ATP8B4: variants seen among roughly 807,000 people sequenced by gnomAD.
ATP8B4 encodes the protein probable phospholipid-transporting ATPase IM.
In ATP8B4, 133 loss-of-function variants were observed where a neutral mutation model predicts 145.6. That is an observed-to-expected ratio of 0.91 (90% CI 0.79 to 1.05). The LOEUF (loss-of-function observed/expected upper bound fraction) is 1.05, where lower values mean the gene tolerates loss of function less well. ATP8B4 is among the 50% of genes least tolerant of loss of function. ATP8B4 has a pLI of 0.00. For synonymous variants in ATP8B4, 507 were observed against 492.9 expected (o/e 1.03, Z -0.38); for missense variants, 1,458 against 1,425.2 (o/e 1.02, Z -0.37).
intron 5 of ATP8B4, among the ~76,000 whole-genome samples, chr15:50,040,003 C>G (rs188696998): frequency 6.6e-6 from 1 of 152,288 alleles, no homozygotes; most frequent in East Asian, 1.9e-4. Context: ...AAAACTTCTT[C>G]CTACGAGTAG....
At chr15:50,048,032 T>C (rs1433866479) in intron 3 of ATP8B4, among the ~76,000 whole-genome samples, 1 of 152,092 alleles carries the variant, frequency 6.6e-6, no homozygotes, top group Admixed American at 6.5e-5. Context: ...AATAACTATT[T>C]TTTTCTACTT....
chr15:49,904,439 G>A (rs529974412), intron 20 of ATP8B4, among the ~76,000 whole-genome samples: 1 of 152,192 alleles, frequency 6.6e-6, no homozygotes, highest in Admixed American at 6.5e-5. Flanking sequence ...GAAAACTTGG[G>A]CTGCTGCACC....
chr15:50,065,858 T>TGGGAAC (rs2053346661), intron 3 of ATP8B4, among the ~76,000 whole-genome samples: 1 of 152,074 alleles, frequency 6.6e-6, no homozygotes, highest in Non-Finnish European at 1.5e-5. Flanking sequence ...GCAGATGGAA[T>TGGGAAC]GGGAACTAGT....
Position 49,901,188 on chromosome 15 carries a change from A to G in ATP8B4, c.2193T>C (p.His731=). 1 of 1,613,260 alleles carries G rather than the reference A, an allele frequency of 6.2e-7. No homozygotes were observed. ...FGQNRNFSNG[H]VVCEKKQQLE... ...GCTGCTGCTTTTTTTCACAAACTAC[A>G]TGGCCATTGGAAAAATTTCTGTTTT... Residue 731 remains histidine (H), a synonymous_variant, in exon 21 of 28, where the codon CAT becomes CAC. Transcript: ENST00000284509.
At chr15:49,868,870 A>G (rs2033233936) in intron 25 of ATP8B4, among the ~76,000 whole-genome samples, 1 of 152,244 alleles carries the variant, frequency 6.6e-6, no homozygotes, top group Admixed American at 6.5e-5. Context: ...AGAAATCACT[A>G]GTAAAATAAG....
chr15:49,973,499 T>C (rs559356894), intron 12 of ATP8B4, among the ~76,000 whole-genome samples: 13 of 152,310 alleles, frequency 8.5e-5, no homozygotes, highest in African/African-American at 2.9e-4. Flanking sequence ...CCAAAAGAGA[T>C]AGAAAACAGT....
At chr15:49,962,097 CTTA>C (rs2044133521) in intron 13 of ATP8B4, 77 bp from the exon 14 acceptor site, 9 of 1,119,018 alleles carry the variant, frequency 8.0e-6, no homozygotes, top group Non-Finnish European at 1.2e-5. Flanking sequence ...AAGGAATACA[CTTA>C]TTATTTATTA....
At chr15:49,981,318 T>A in intron 10 of ATP8B4, 24 bp from the exon 11 acceptor site, 1 of 1,523,430 alleles carries the variant, frequency 6.6e-7, no homozygotes. Flanking sequence ...AAAAAGTAAA[T>A]AACTTTGAAA....
At chr15:49,860,566 T>C in intron 27 of ATP8B4, 91 bp from the exon 28 acceptor site, 1 of 1,404,432 alleles carries the variant, frequency 7.1e-7, no homozygotes, top group African/African-American at 1.4e-5. Flanking sequence ...CCTTTTTTTT[T>C]TATAAGTAAA....
chr15:49,947,768 T>A (rs749672342), intron 14 of ATP8B4, among the ~76,000 whole-genome samples: 6 of 152,060 alleles, frequency 3.9e-5, no homozygotes, highest in Non-Finnish European at 8.8e-5. Flanking sequence ...GTATCCCCAG[T>A]AAAGACAGAC....
intron 1 of ATP8B4, among the ~76,000 whole-genome samples, chr15:50,178,553 G>C (rs115461172): frequency 0.014 from 2,082 of 152,032 alleles, 48 homozygotes; most frequent in African/African-American, 0.048. Context: ...ATATGAGATG[G>C]GGTCTCACTG....
intron 26 of ATP8B4, among the ~76,000 whole-genome samples, chr15:49,862,842 G>C (rs554618408): frequency 2.2e-4 from 33 of 152,154 alleles, no homozygotes; most frequent in Non-Finnish European, 4.0e-4. Context: ...CCTCAGGAAC[G>C]GCTTAGTGGC....
At chr15:49,919,733 A>C (rs2040086496) in intron 18 of ATP8B4, among the ~76,000 whole-genome samples, 1 of 152,114 alleles carries the variant, frequency 6.6e-6, no homozygotes, top group Admixed American at 6.5e-5. Context: ...TTTCATCAAA[A>C]GTTGAGCAAA....
chr15:50,147,893 C>T (rs1336827100), intron 1 of ATP8B4, among the ~76,000 whole-genome samples: 1 of 152,060 alleles, frequency 6.6e-6, no homozygotes, highest in African/African-American at 2.4e-5. Context: ...TCAAAGAGTG[C>T]CAAAATCATT....
At chr15:49,998,831 T>C (rs2047644287) in intron 8 of ATP8B4, among the ~76,000 whole-genome samples, 3 of 152,362 alleles carry the variant, frequency 2.0e-5, no homozygotes, top group Middle Eastern at 6.8e-3. Context: ...ATGTCCTGAA[T>C]GGTAATGCTT....
At chr15:50,110,616 CA>C (rs2056891620) in intron 1 of ATP8B4, among the ~76,000 whole-genome samples, 1 of 152,162 alleles carries the variant, frequency 6.6e-6, no homozygotes, top group African/African-American at 2.4e-5. Flanking sequence ...AGTACTGAAG[CA>C]AACAATATTT....
intron 10 of ATP8B4, 36 bp downstream of exon 10, chr15:49,987,355 G>A (rs1371104115): frequency 1.2e-6 from 2 of 1,603,294 alleles, no homozygotes; most frequent in Non-Finnish European, 1.7e-6. Flanking sequence ...TGCAGGAAAG[G>A]TTCCCACAGA....
At chr15:49,913,133 T>G (rs140069709) in intron 20 of ATP8B4, among the ~76,000 whole-genome samples, 1,727 of 150,940 alleles carry the variant, frequency 0.011, 56 homozygotes, top group African/African-American at 0.04. Flanking sequence ...GCTTTTTTTT[T>G]TGTGTCTCAA....
chr15:49,956,818 C>T (rs1475739955), intron 14 of ATP8B4, among the ~76,000 whole-genome samples: 1 of 152,124 alleles, frequency 6.6e-6, no homozygotes, highest in African/African-American at 2.4e-5. Flanking sequence ...AGTGCTGTGA[C>T]TATAGGTGTG....
Sources: allele counts gnomAD v4.1 joint callset (sites outside exome capture counted in the v4.1 genomes callset), GRCh38; gene constraint gnomAD v4.1.1; transcripts MANE v1.5; gene names NCBI Gene and HGNC (gene_info 2026-07-23, HGNC 2026-07-21).